SLC36A1: variants seen among roughly 807,000 people sequenced by gnomAD.
The protein encoded by SLC36A1 is proton-coupled amino acid transporter 1.
A neutral mutation model predicts 47.5 loss-of-function variants in SLC36A1; 30 were observed. That is an observed-to-expected ratio of 0.63 (90% CI 0.47 to 0.86). SLC36A1 has a LOEUF of 0.86. Ranked by LOEUF, SLC36A1 falls within the 40% of genes least tolerant of loss-of-function variation. The pLI, the probability that SLC36A1 is intolerant of heterozygous loss-of-function variation, is 0.00. For synonymous variants in SLC36A1, 255 were observed against 249.7 expected, an observed-to-expected ratio of 1.02 and a Z score of -0.20; for missense variants, 517 against 606.0, an observed-to-expected ratio of 0.85 and a Z score of 1.54.
the SLC36A1 span, among the ~76,000 whole-genome samples, chr5:151,419,315 C>A: frequency 1.5e-4 from 23 of 152,200 alleles, no homozygotes; most frequent in Non-Finnish European, 2.9e-5. Context: ...AGGTTGCTTT[C>A]TGTCTTTAGG....
chr5:151,373,833 C>T, the SLC36A1 span, among the ~76,000 whole-genome samples: 1 of 152,146 alleles, frequency 6.6e-6, no homozygotes, highest in Admixed American at 6.5e-5. Flanking sequence ...CTCCTGGGTT[C>T]AAGCAATCCT....
At chr5:151,542,212 C>G in the SLC36A1 span, 2 of 1,444,834 alleles carry the variant, frequency 1.4e-6, no homozygotes, top group East Asian at 4.6e-5. Context: ...GACATGAACC[C>G]ATTTTAGGGC....
At chr5:151,374,485 C>T in the SLC36A1 span, among the ~76,000 whole-genome samples, 1 of 152,160 alleles carries the variant, frequency 6.6e-6, no homozygotes, top group African/African-American at 2.4e-5. Context: ...TTGACAGACA[C>T]TTAGGTTGAT....
the SLC36A1 span, chr5:151,527,453 ATTTTC>A: frequency 2.9e-6 from 4 of 1,396,086 alleles, no homozygotes; most frequent in Admixed American, 5.0e-5. Context: ...CATCACTAAT[ATTTTC>A]AAAAAAAATA....
chr5:151,514,784 C>T, the SLC36A1 span, among the ~76,000 whole-genome samples: 1 of 152,298 alleles, frequency 6.6e-6, no homozygotes, highest in East Asian at 1.9e-4. Flanking sequence ...CACATCTATC[C>T]ACCTTAGCTA....
At chr5:151,496,863 GTATT>G (rs1389668723), downstream of SLC36A1, among the ~76,000 whole-genome samples, 1 of 152,146 alleles carries the variant, frequency 6.6e-6, no homozygotes, top group Non-Finnish European at 1.5e-5. Flanking sequence ...TTATACTTAA[GTATT>G]TAATTTTCTT....
At chr5:151,345,551 G>A in the SLC36A1 span, among the ~76,000 whole-genome samples, 61 of 152,294 alleles carry the variant, frequency 4.0e-4, no homozygotes, top group African/African-American at 1.4e-3. Flanking sequence ...GAACAATCGA[G>A]GGAGAAAGGG....
chr5:151,374,922 T>TC, the SLC36A1 span, among the ~76,000 whole-genome samples: 1 of 151,920 alleles, frequency 6.6e-6, no homozygotes, highest in African/African-American at 2.4e-5. Flanking sequence ...TTTTTTTTTT[T>TC]TGAGTTGTTT....
At chr5:151,501,403 G>T in the SLC36A1 span, among the ~76,000 whole-genome samples, 39 of 149,962 alleles carry the variant, frequency 2.6e-4, no homozygotes, top group African/African-American at 9.9e-4. Context: ...TGTCATCATG[G>T]TTGCCTGGTG....
At chr5:151,546,999 T>G in the SLC36A1 span, among the ~76,000 whole-genome samples, 1 of 152,214 alleles carries the variant, frequency 6.6e-6, no homozygotes. Flanking sequence ...TCACATCACC[T>G]TTATAATTTT....
At chr5:151,495,261 T>C (rs938346232), downstream of SLC36A1, among the ~76,000 whole-genome samples, 5 of 152,240 alleles carry the variant, frequency 3.3e-5, no homozygotes, top group Admixed American at 2.6e-4. Context: ...TTTACGTGCT[T>C]ATTGGCCTAA....
the SLC36A1 span, among the ~76,000 whole-genome samples, chr5:151,502,517 A>G: frequency 6.8e-6 from 1 of 147,990 alleles, no homozygotes; most frequent in Non-Finnish European, 1.5e-5. Context: ...AAGCAGATCT[A>G]TAGATGTCAA....
chr5:151,499,992 T>G, the SLC36A1 span, among the ~76,000 whole-genome samples: 1 of 152,170 alleles, frequency 6.6e-6, no homozygotes, highest in South Asian at 2.1e-4. Flanking sequence ...CAAAAGTGGA[T>G]GTAGGGCTTC....
At chr5:151,519,517 C>T in the SLC36A1 span, among the ~76,000 whole-genome samples, 6 of 152,044 alleles carry the variant, frequency 3.9e-5, no homozygotes, top group East Asian at 3.9e-4. Flanking sequence ...TAAGTTCTCT[C>T]GGAGAATCTG....
chr5:151,347,447 T>C, the SLC36A1 span: 1 of 1,614,060 alleles, frequency 6.2e-7, no homozygotes, highest in South Asian at 1.1e-5. Flanking sequence ...CTCAGTACTT[T>C]TTGTCACAGA....
upstream of SLC36A1, among the ~76,000 whole-genome samples, chr5:151,433,266 ATTTTTTTTTTTTTTTTTTTTT>A (rs869250950): frequency 7.4e-4 from 7 of 9,402 alleles, no homozygotes; most frequent in African/African-American, 2.2e-3. Context: ...ATATATATAT[ATTTTTTTTTTTTTTTTTTTTT>A]TTTTTTTTTT....
At chr5:151,403,911 A>G in the SLC36A1 span, among the ~76,000 whole-genome samples, 2 of 152,148 alleles carry the variant, frequency 1.3e-5, no homozygotes, top group African/African-American at 2.4e-5. Context: ...TGTTTGGTGG[A>G]TTATTCTGTA....
the SLC36A1 span, among the ~76,000 whole-genome samples, chr5:151,424,052 T>C: frequency 6.6e-6 from 1 of 152,330 alleles, no homozygotes; most frequent in East Asian, 1.9e-4. Context: ...TTGATAATAT[T>C]GGTACAAATG....
chr5:151,499,896 G>A, the SLC36A1 span, among the ~76,000 whole-genome samples: 1 of 152,114 alleles, frequency 6.6e-6, no homozygotes, highest in Non-Finnish European at 1.5e-5. Flanking sequence ...TCACAGCAGG[G>A]CAGCAAGTCC....
Sources: allele counts gnomAD v4.1 joint callset (sites outside exome capture counted in the v4.1 genomes callset), GRCh38; gene constraint gnomAD v4.1.1; transcripts MANE v1.5; gene names NCBI Gene and HGNC (gene_info 2026-07-23, HGNC 2026-07-21).